The following TBC1D3B variants were observed in gnomAD, a reference collection of about 807,000 sequenced individuals.
TBC1D3B encodes TBC1 domain family member 3B, also known as Rab GTPase-activating protein PRC17 duplicate.
In TBC1D3B, 2 loss-of-function variants were observed where a neutral mutation model predicts 27.1. The ratio of observed to expected loss-of-function variants is 0.07; its 90% CI spans 0.03 to 0.23. The LOEUF is 0.23. Ranked by LOEUF, TBC1D3B falls within the 10% of genes least tolerant of loss-of-function variation. TBC1D3B has a pLI of 1.00. For synonymous variants in TBC1D3B, 3 were observed against 150.1 expected, an observed-to-expected ratio of 0.02 and a Z score of 7.16; for missense variants, 17 against 401.3, an observed-to-expected ratio of 0.04 and a Z score of 8.18.
At chr17:36,169,361 T>G (rs1194202245) in intron 9 of TBC1D3B, among the ~76,000 whole-genome samples, 187 bp from the exon 10 acceptor site, 1 of 149,348 alleles carries the variant, frequency 6.7e-6, no homozygotes, top group Non-Finnish European at 1.5e-5. Flanking sequence ...GGAGCCTGGC[T>G]GGAGGTTCCC....
chr17:36,169,261 C>G, intron 9 of TBC1D3B, 87 bp from the exon 10 acceptor site: 1 of 1,567,014 alleles, frequency 6.4e-7, no homozygotes, highest in Non-Finnish European at 8.8e-7. Context: ...GCTGGAGAGG[C>G]CCCCAAACCC....
At chr17:36,171,497 G>C (rs1239552719) in intron 7 of TBC1D3B, among the ~76,000 whole-genome samples, 4 of 151,446 alleles carry the variant, frequency 2.6e-5, no homozygotes, top group Admixed American at 2.6e-4. Context: ...CCAGCATTTG[G>C]TGCTGTCACT....
At chr17:36,166,935 G>A (rs1432369138) in intron 13 of TBC1D3B, among the ~76,000 whole-genome samples, 63 of 54,732 alleles carry the variant, frequency 1.2e-3, no homozygotes, top group African/African-American at 2.1e-3. Context: ...ACCCGTCTCC[G>A]CAGTGGGTGA....
At chr17:36,168,971 G>C (rs2068302600) in intron 10 of TBC1D3B, 109 bp downstream of exon 10, 1 of 1,158,692 alleles carries the variant, frequency 8.6e-7, no homozygotes, top group Non-Finnish European at 1.3e-6. Flanking sequence ...TCAGGCCCTG[G>C]CTGGGACTCA....
intron 9 of TBC1D3B, among the ~76,000 whole-genome samples, chr17:36,169,442 C>T (rs1388954855): frequency 1.3e-5 from 2 of 149,724 alleles, no homozygotes; most frequent in Non-Finnish European, 3.0e-5. Context: ...GTGGCCGGAA[C>T]TGGGTGGGCG....
At chr17:36,171,195 G>T (rs1192683391) in intron 7 of TBC1D3B, among the ~76,000 whole-genome samples, 1 of 149,444 alleles carries the variant, frequency 6.7e-6, no homozygotes, top group African/African-American at 2.4e-5. Flanking sequence ...TTTTCTCACT[G>T]GGTCTTCCGT....
At position 36,169,286 on chromosome 17, in the gene TBC1D3B, C is replaced by G. The variant is rs1465111313; in HGVS notation, c.668-112G>C. 17 of 1,546,140 alleles carry G rather than the reference C, an allele frequency of 1.1e-5. 2 individuals carry two copies. The South Asian group carries it at 1.7e-4, about 15-fold the overall frequency. On this transcript the variant is annotated intron_variant, in intron 9 of 13. Coordinates refer to ENST00000611257, the MANE Select transcript of TBC1D3B (RefSeq NM_001001417.7). ...CCCCCAAACCCCAAGGCTACTCCCA[C>G]CCTCCCATCTGGTGACCCCAACATG...
chr17:36,169,470 C>G (rs1436328238), intron 9 of TBC1D3B, among the ~76,000 whole-genome samples: 1 of 149,954 alleles, frequency 6.7e-6, no homozygotes, highest in African/African-American at 2.4e-5. Context: ...TCCCGGTCAT[C>G]TCCTGGTAGT....
At chr17:36,169,483 G>T (rs1223241479) in intron 9 of TBC1D3B, among the ~76,000 whole-genome samples, 1 of 150,078 alleles carries the variant, frequency 6.7e-6, no homozygotes, top group East Asian at 1.9e-4. Flanking sequence ...CTGGTAGTGG[G>T]GTCGGGCCAG....
intron 12 of TBC1D3B, among the ~76,000 whole-genome samples, 184 bp downstream of exon 12, chr17:36,167,882 CG>C (rs2068284461): frequency 9.1e-6 from 1 of 110,276 alleles, no homozygotes; most frequent in South Asian, 2.9e-4. Context: ...ACCACACTCT[CG>C]ACTTTCATCT....
intron 13 of TBC1D3B, among the ~76,000 whole-genome samples, chr17:36,167,047 G>T (rs1328293574): frequency 9.5e-6 from 1 of 104,852 alleles, no homozygotes; most frequent in East Asian, 2.1e-4. Flanking sequence ...CTGGCTCTGG[G>T]CCCGGGGTCC....
intron 7 of TBC1D3B, among the ~76,000 whole-genome samples, chr17:36,171,348 A>T (rs2068351211): frequency 6.6e-6 from 1 of 151,162 alleles, no homozygotes; most frequent in Admixed American, 6.6e-5. Flanking sequence ...CAGTGGGTTC[A>T]ATATCTGTGA....
At chr17:36,169,613 G>C (rs2068320351) in intron 9 of TBC1D3B, among the ~76,000 whole-genome samples, 1 of 136,210 alleles carries the variant, frequency 7.3e-6, no homozygotes, top group Admixed American at 7.3e-5. Flanking sequence ...GGGAGAGTCA[G>C]CTGCACAGAA....
chr17:36,171,570 C>T (rs1370848766), intron 7 of TBC1D3B, among the ~76,000 whole-genome samples: 1 of 150,444 alleles, frequency 6.6e-6, no homozygotes, highest in Non-Finnish European at 1.5e-5. Context: ...TACCATGGGT[C>T]CCCATGGGTC....
At chr17:36,167,897 T>C (rs1217890742) in intron 12 of TBC1D3B, among the ~76,000 whole-genome samples, 170 bp downstream of exon 12, 1 of 100,658 alleles carries the variant, frequency 9.9e-6, no homozygotes, top group Non-Finnish European at 3.1e-5. Context: ...TTCATCTGGG[T>C]CATGTGAGGG....
chr17:36,165,742 G>C lies in TBC1D3B; in HGVS notation c.*253C>G. The C allele has an allele frequency of 3.1e-6, 3 of 953,820 alleles. No homozygotes were observed. Among genetic ancestry groups the C allele is most frequent in the Non-Finnish European group, 4.8e-6 (3 of 630,622 alleles). 59.1% of individuals were successfully genotyped at this position (953,820 alleles called of 1,614,324 possible). ...GTAGTTATCCTTCCATGAGTTTAAA[G>C]TACAAAGGCAGGCTCACGGTGTCGT... is the stretch of plus-strand genomic sequence containing the variant. On this transcript the variant is annotated 3_prime_UTR_variant, in exon 14 of 14. Coordinates refer to ENST00000611257, the MANE Select transcript of TBC1D3B (RefSeq NM_001001417.7).
intron 13 of TBC1D3B, among the ~76,000 whole-genome samples, chr17:36,167,154 C>T (rs1332775738): frequency 2.9e-5 from 3 of 102,928 alleles, no homozygotes; most frequent in African/African-American, 5.2e-5. Context: ...CTTGGAGGAG[C>T]GTGCAGGAGT....
In TBC1D3B at chr17:36,169,537, C is replaced by T. The variant is rs2068318417; in HGVS notation, c.667+354G>A. 1.3e-5 allele frequency among the ~76,000 whole-genome samples: 2 copies of T among 148,764 alleles called. 1 individual carries two copies. Among genetic ancestry groups the T allele is most frequent in the South Asian group, 4.2e-4 (2 of 4,738 alleles). On this transcript the variant is annotated intron_variant, in intron 9 of 13. Transcript: ENST00000611257. ...GATGCTGCCACCTGGGCTTGGTCGG[C>T]CCATTCGTGGGCACCGATGGCAGCA...
intron 11 of TBC1D3B, 87 bp downstream of exon 11, chr17:36,168,543 G>T: frequency 3.2e-6 from 1 of 310,738 alleles, no homozygotes; most frequent in South Asian, 2.7e-5. Flanking sequence ...CTGTGGGCTG[G>T]GAGTGAGCCA....
Sources: allele counts gnomAD v4.1 joint callset (sites outside exome capture counted in the v4.1 genomes callset), GRCh38; gene constraint gnomAD v4.1.1; transcripts MANE v1.5; gene names NCBI Gene and HGNC (gene_info 2026-07-23, HGNC 2026-07-21).